TMEM117: variants seen among roughly 807,000 people sequenced by gnomAD.
TMEM117 encodes transmembrane protein 117.
A neutral mutation model predicts 52.4 loss-of-function variants in TMEM117; 27 were observed. The ratio of observed to expected loss-of-function variants is 0.51; its 90% CI spans 0.38 to 0.71. The LOEUF is 0.71. Ranked by LOEUF, TMEM117 falls within the 30% of genes least tolerant of loss-of-function variation. TMEM117 has a pLI of 0.00. For missense variants in TMEM117, 556 were observed against 630.5 expected (o/e 0.88, Z 1.26); for synonymous variants, 215 against 206.3 (o/e 1.04, Z -0.36).
At position 44,388,320 on chromosome 12, in the gene TMEM117, T is replaced by G. The variant is rs1469215041; in HGVS notation, c.1193T>G (p.Val398Gly). Residue 398 changes from valine (V) to glycine (G), a missense_variant, in exon 8 of 8, where the codon GTT becomes GGT. By Grantham distance (109) the Val-to-Gly change is moderately radical (BLOSUM62 -3). Transcript: ENST00000266534. ...ASLDVKCLAF[V>G]PSLIAFVWFG... ...CTTGATGTCAAGTGTCTGGCCTTTG[T>G]TCCAAGCCTGATAGCCTTTGTGTGG... 1 of 1,613,632 alleles carries G rather than the reference T, an allele frequency of 6.2e-7. No individual in the cohort carries two copies. The highest frequency in any genetic ancestry group is 2.2e-5 in the East Asian group (1 of 44,878).
intron 7 of TMEM117, among the ~76,000 whole-genome samples, chr12:44,377,172 G>A (rs527971208): frequency 6.6e-6 from 1 of 152,154 alleles, no homozygotes; most frequent in Non-Finnish European, 1.5e-5. Flanking sequence ...TTATCAAAGA[G>A]GGAAGACAAA....
At chr12:44,098,305 G>T (rs1403086784) in intron 3 of TMEM117, among the ~76,000 whole-genome samples, 1 of 152,050 alleles carries the variant, frequency 6.6e-6, no homozygotes, top group Non-Finnish European at 1.5e-5. Context: ...CATTGTCCGG[G>T]AGAGAGGCTG....
chr12:43,896,742 A>G (rs1675789), intron 2 of TMEM117, among the ~76,000 whole-genome samples: 109,012 of 152,034 alleles, frequency 0.72, 42,187 homozygotes, highest in East Asian at 0.87. Flanking sequence ...CCCTCACTAC[A>G]GTTGACTGGA....
At chr12:43,877,333 T>A (rs1292904608) in intron 2 of TMEM117, among the ~76,000 whole-genome samples, 1 of 152,066 alleles carries the variant, frequency 6.6e-6, no homozygotes, top group Non-Finnish European at 1.5e-5. Flanking sequence ...ATCTATCTCA[T>A]AGAAATATAA....
Position 44,187,881 on chromosome 12 carries a change from C to G in TMEM117, c.511-23409C>G, listed in dbSNP as rs148875988. Reference sequence around the variant, plus strand: ...AATGATTTACTTACCATTGATCTATCTATTCACTACCTCTAAGGAAGAATG... The same window carrying G: ...AATGATTTACTTACCATTGATCTATGTATTCACTACCTCTAAGGAAGAATG... On this transcript the variant is annotated intron_variant, in intron 4 of 7. Transcript: ENST00000266534. Among the ~76,000 whole-genome samples the G allele has an allele frequency of 3.6e-3, 542 of 152,230 alleles. 3 individuals carry two copies. Among genetic ancestry groups the G allele is most frequent in the African/African-American group, 0.012 (517 of 41,558 alleles).
At chr12:44,170,152 G>A (rs1466644026) in intron 4 of TMEM117, among the ~76,000 whole-genome samples, 2 of 151,964 alleles carry the variant, frequency 1.3e-5, no homozygotes, top group African/African-American at 4.8e-5. Flanking sequence ...TAGGGACATG[G>A]ATGAAGCTGG....
chr12:44,239,948 T>C (rs2138477748), intron 5 of TMEM117, among the ~76,000 whole-genome samples: 1 of 152,234 alleles, frequency 6.6e-6, no homozygotes, highest in Non-Finnish European at 1.5e-5. Flanking sequence ...AATTTCTGCT[T>C]TCCATTTGAT....
chr12:44,028,443 A>G (rs1946578750), intron 3 of TMEM117, among the ~76,000 whole-genome samples: 1 of 152,212 alleles, frequency 6.6e-6, no homozygotes. Flanking sequence ...TCTAAGTCAC[A>G]CGATGAGATC....
At chr12:44,383,788 TG>T (rs1170184419) in intron 7 of TMEM117, among the ~76,000 whole-genome samples, 35 of 152,182 alleles carry the variant, frequency 2.3e-4, no homozygotes, top group Admixed American at 2.3e-3. Flanking sequence ...CCTTTCTATC[TG>T]GGTCATTTCA....
intron 3 of TMEM117, among the ~76,000 whole-genome samples, chr12:44,087,089 C>A (rs1028294650): frequency 2.7e-5 from 4 of 149,412 alleles, no homozygotes; most frequent in Non-Finnish European, 5.9e-5. Context: ...TGCCTTTTTT[C>A]TTATGCCTCT....
intron 3 of TMEM117, among the ~76,000 whole-genome samples, chr12:44,085,243 T>C (rs1947546881): frequency 6.6e-6 from 1 of 152,032 alleles, no homozygotes; most frequent in African/African-American, 2.4e-5. Flanking sequence ...ATTTGACAGG[T>C]ACTTTGTCTC....
At chr12:44,140,766 A>G (rs964897718) in intron 3 of TMEM117, among the ~76,000 whole-genome samples, 6 of 152,060 alleles carry the variant, frequency 3.9e-5, no homozygotes, top group Non-Finnish European at 8.8e-5. Context: ...AGCCCTCCAG[A>G]GGGCTGTATT....
At chr12:44,114,145 G>A (rs1296707046) in intron 3 of TMEM117, among the ~76,000 whole-genome samples, 4 of 151,556 alleles carry the variant, frequency 2.6e-5, no homozygotes, top group Non-Finnish European at 5.9e-5. Flanking sequence ...ACCTCAGATG[G>A]AAATGCAGTA....
At chr12:44,220,562 T>C (rs760303861) in intron 5 of TMEM117, among the ~76,000 whole-genome samples, 1 of 152,122 alleles carries the variant, frequency 6.6e-6, no homozygotes, top group Non-Finnish European at 1.5e-5. Context: ...AGAGCTTAGA[T>C]AGAATAATAC....
At chr12:43,814,616 C>G in the TMEM117 span, among the ~76,000 whole-genome samples, 1 of 151,984 alleles carries the variant, frequency 6.6e-6, no homozygotes, top group African/African-American at 2.4e-5. Flanking sequence ...ATTCATCAAA[C>G]ATTTATTGAG....
At chr12:44,097,116 G>A (rs1409693060) in intron 3 of TMEM117, among the ~76,000 whole-genome samples, 1 of 152,186 alleles carries the variant, frequency 6.6e-6, no homozygotes, top group Non-Finnish European at 1.5e-5. Flanking sequence ...ATGAAAAAAT[G>A]CTCATCATCA....
intron 3 of TMEM117, among the ~76,000 whole-genome samples, chr12:44,106,445 T>G (rs1392165316): frequency 6.6e-6 from 1 of 152,108 alleles, no homozygotes; most frequent in Non-Finnish European, 1.5e-5. Flanking sequence ...GGTCTTTTGC[T>G]CTGAGTGACA....
At chr12:44,021,012 AGAG>A (rs768385397) in intron 3 of TMEM117, among the ~76,000 whole-genome samples, 4 of 152,182 alleles carry the variant, frequency 2.6e-5, no homozygotes, top group Non-Finnish European at 5.9e-5. Context: ...AAAAATATAA[AGAG>A]GAGGAAAACT....
intron 3 of TMEM117, among the ~76,000 whole-genome samples, chr12:44,052,354 C>T (rs927590833): frequency 5.3e-5 from 8 of 151,998 alleles, no homozygotes; most frequent in Non-Finnish European, 1.2e-4. Context: ...CAATCCAGTC[C>T]AGGGCAATAA....
Sources: gnomAD v4.1 joint callset for allele counts (sites outside exome capture counted in the v4.1 genomes callset) on GRCh38, gnomAD v4.1.1 for gene constraint, MANE v1.5 for transcripts, NCBI Gene and HGNC (gene_info 2026-07-23, HGNC 2026-07-21) for gene names.